NKAIN2: variants seen among roughly 807,000 people sequenced by gnomAD.
NKAIN2 encodes sodium/potassium-transporting ATPase subunit beta-1-interacting protein 2.
In NKAIN2, 14 loss-of-function variants were observed where a neutral mutation model predicts 32.6. That is an observed-to-expected ratio of 0.43 (90% CI 0.28 to 0.67). The LOEUF is 0.67. NKAIN2 is among the 30% of genes least tolerant of loss of function. The probability of loss-of-function intolerance (pLI) is 0.17; values close to 1 mark genes in which losing one functional copy is unlikely to be tolerated. For missense variants in NKAIN2, 198 were observed against 258.3 expected, an observed-to-expected ratio of 0.77 and a Z score of 1.60; for synonymous variants, 80 against 87.2, an observed-to-expected ratio of 0.92 and a Z score of 0.46.
At chr6:123,863,720 T>C (rs755809850) in intron 1 of NKAIN2, among the ~76,000 whole-genome samples, 4 of 152,186 alleles carry the variant, frequency 2.6e-5, no homozygotes, top group Non-Finnish European at 5.9e-5. Flanking sequence ...CCTAGGCCCA[T>C]ATGCTGCTCT....
At chr6:124,344,758 T>A (rs544402564) in intron 2 of NKAIN2, among the ~76,000 whole-genome samples, 1 of 152,312 alleles carries the variant, frequency 6.6e-6, no homozygotes, top group East Asian at 1.9e-4. Flanking sequence ...TTTCTAGATA[T>A]ACAATGATGT....
At chr6:124,736,864 C>T (rs1324551173) in intron 4 of NKAIN2, among the ~76,000 whole-genome samples, 1 of 151,952 alleles carries the variant, frequency 6.6e-6, no homozygotes, top group Non-Finnish European at 1.5e-5. Context: ...AACAACCATT[C>T]TGCAGCCCAT....
chr6:124,578,762 G>A (rs1220798652), intron 3 of NKAIN2, among the ~76,000 whole-genome samples: 1 of 152,100 alleles, frequency 6.6e-6, no homozygotes, highest in African/African-American at 2.4e-5. Flanking sequence ...GAGACTCAGT[G>A]CTGTGCTGGC....
At chr6:124,043,901 C>G (rs1042665283) in intron 1 of NKAIN2, among the ~76,000 whole-genome samples, 3 of 152,006 alleles carry the variant, frequency 2.0e-5, no homozygotes, top group Non-Finnish European at 4.4e-5. Flanking sequence ...ACACTGACTT[C>G]CCTGGTGAAC....
intron 1 of NKAIN2, among the ~76,000 whole-genome samples, chr6:124,258,269 T>C (rs1192515125): frequency 6.6e-6 from 1 of 152,190 alleles, no homozygotes; most frequent in Non-Finnish European, 1.5e-5. Flanking sequence ...CACACAACTC[T>C]GTAGATTTGT....
chr6:124,624,225 AGAAAG>A (rs1472744774), intron 3 of NKAIN2, among the ~76,000 whole-genome samples: 3 of 152,304 alleles, frequency 2.0e-5, no homozygotes, highest in African/African-American at 7.2e-5. Context: ...CAGATGCTGA[AGAAAG>A]GAAGAGAAAT....
chr6:123,804,115 C>T lies in NKAIN2; in HGVS notation c.-86C>T. The T allele has an allele frequency of 3.9e-6, 5 of 1,286,128 alleles. No homozygotes were observed. The highest frequency in any genetic ancestry group is 4.5e-6 in the Non-Finnish European group (4 of 881,912). 79.7% of individuals were successfully genotyped at this position (1,286,128 alleles called of 1,614,324 possible). Reference sequence around the variant, plus strand: ...CCGAGCCCTCGGCAGGTTTGCGTGTCCTTCCCCGCGATCTGATTGGATAAA... The same window carrying T: ...CCGAGCCCTCGGCAGGTTTGCGTGTTCTTCCCCGCGATCTGATTGGATAAA... On this transcript the variant is annotated 5_prime_UTR_variant, in exon 1 of 7. Transcript: ENST00000368417.
At chr6:124,208,319 T>G (rs1166395704) in intron 1 of NKAIN2, among the ~76,000 whole-genome samples, 1 of 151,920 alleles carries the variant, frequency 6.6e-6, no homozygotes, top group Non-Finnish European at 1.5e-5. Context: ...GTAATTTAGC[T>G]AGTAGTGCAG....
intron 6 of NKAIN2, among the ~76,000 whole-genome samples, chr6:124,818,867 T>C (rs935601240): frequency 2.0e-5 from 3 of 152,126 alleles, no homozygotes; most frequent in Non-Finnish European, 2.9e-5. Flanking sequence ...ATTATTACTC[T>C]CAAAAGAGTT....
intron 1 of NKAIN2, among the ~76,000 whole-genome samples, chr6:124,261,657 C>T (rs559433410): frequency 6.6e-6 from 1 of 152,164 alleles, no homozygotes; most frequent in South Asian, 2.1e-4. Context: ...GTCAGGAGTT[C>T]GAGACTAGTC....
At chr6:124,344,617 G>A (rs1275614979) in intron 2 of NKAIN2, among the ~76,000 whole-genome samples, 1 of 152,022 alleles carries the variant, frequency 6.6e-6, no homozygotes, top group Admixed American at 6.6e-5. Flanking sequence ...GTTCACTCAT[G>A]ATTTGGCTCT....
intron 1 of NKAIN2, among the ~76,000 whole-genome samples, chr6:124,276,866 A>T (rs745797639): frequency 3.9e-5 from 6 of 152,190 alleles, no homozygotes; most frequent in Non-Finnish European, 8.8e-5. Context: ...TTTACTTAGG[A>T]CTACAAACGA....
chr6:124,097,016 A>C (rs1444448318), intron 1 of NKAIN2, among the ~76,000 whole-genome samples: 1 of 152,196 alleles, frequency 6.6e-6, no homozygotes, highest in East Asian at 1.9e-4. Context: ...ACACCTGAAT[A>C]AGAAAGCACA....
intron 3 of NKAIN2, among the ~76,000 whole-genome samples, chr6:124,532,820 C>T (rs1779573939): frequency 6.6e-6 from 1 of 152,144 alleles, no homozygotes; most frequent in African/African-American, 2.4e-5. Flanking sequence ...GTTTTTTGTG[C>T]TTGGGGGAAA....
chr6:124,202,915 G>A (rs1250756360), intron 1 of NKAIN2, among the ~76,000 whole-genome samples: 1 of 151,766 alleles, frequency 6.6e-6, no homozygotes, highest in Non-Finnish European at 1.5e-5. Context: ...CCTACAAGAG[G>A]CATAAAGTTG....
chr6:124,060,817 G>A (rs1005426265), intron 1 of NKAIN2, among the ~76,000 whole-genome samples: 3 of 151,980 alleles, frequency 2.0e-5, no homozygotes, highest in Non-Finnish European at 2.9e-5. Context: ...TGGAAAATAT[G>A]CAACACAATG....
chr6:124,540,421 T>G (rs539704775), intron 3 of NKAIN2, among the ~76,000 whole-genome samples: 12 of 152,362 alleles, frequency 7.9e-5, no homozygotes, highest in African/African-American at 2.6e-4. Context: ...AAAGCTATCT[T>G]TCTCTCTGCT....
chr6:124,087,302 C>T (rs1044907967), intron 1 of NKAIN2, among the ~76,000 whole-genome samples: 1 of 151,872 alleles, frequency 6.6e-6, no homozygotes, highest in African/African-American at 2.4e-5. Flanking sequence ...TTACAAAAAT[C>T]CTACAGCTAA....
intron 3 of NKAIN2, among the ~76,000 whole-genome samples, chr6:124,461,556 A>G (rs1776531952): frequency 6.6e-6 from 1 of 151,766 alleles, no homozygotes; most frequent in Admixed American, 6.6e-5. Context: ...ATTTTTTAAA[A>G]GTTTCCTAAA....
Sources: gnomAD v4.1 joint callset for allele counts (sites outside exome capture counted in the v4.1 genomes callset) on GRCh38, gnomAD v4.1.1 for gene constraint, MANE v1.5 for transcripts, NCBI Gene and HGNC (gene_info 2026-07-23, HGNC 2026-07-21) for gene names.